UNC79: variants seen among roughly 807,000 people sequenced by gnomAD.
UNC79 encodes protein unc-79 homolog.
A neutral mutation model predicts 283.1 loss-of-function variants in UNC79; 37 were observed. The ratio of observed to expected loss-of-function variants is 0.13; its 90% CI spans 0.10 to 0.17. The LOEUF (loss-of-function observed/expected upper bound fraction) is 0.17, where lower values mean the gene tolerates loss of function less well. Among genes scored for constraint, UNC79 ranks in the 10% least tolerant of loss-of-function variants. The pLI, the probability that UNC79 is intolerant of heterozygous loss-of-function variation, is 1.00. For synonymous variants in UNC79, 1,107 were observed against 1,200.2 expected, an observed-to-expected ratio of 0.92 and a Z score of 1.61; for missense variants, 2,272 against 3,211.1, an observed-to-expected ratio of 0.71 and a Z score of 7.07.
At chr14:93,572,726 T>C (rs937944730) in exon 16 of UNC79, 8 of 1,614,038 alleles carry the variant, frequency 5.0e-6, no homozygotes, top group Admixed American at 1.7e-5. Context: ...GTCCTCTGCC[T>C]TTCTCAATGG....
At chr14:93,473,750 G>A (rs2057647937) in intron 2 of UNC79, among the ~76,000 whole-genome samples, 1 of 152,134 alleles carries the variant, frequency 6.6e-6, no homozygotes, top group South Asian at 2.1e-4. Context: ...AGACAAAGCC[G>A]TTGTTTTTTT....
intron 2 of UNC79, among the ~76,000 whole-genome samples, chr14:93,472,473 CA>C (rs35029536): frequency 1 from 151,530 of 151,866 alleles, 75,602 homozygotes; most frequent in Middle Eastern, 1. Flanking sequence ...CTTTAAATTA[CA>C]AAAAAAAATC....
intron 32 of UNC79, 134 bp downstream of exon 35, chr14:93,637,433 C>G (rs2068604609): frequency 6.9e-7 from 1 of 1,449,064 alleles, no homozygotes; most frequent in East Asian, 2.5e-5. Flanking sequence ...CCAAACACCC[C>G]CAGTGGCTGA....
intron 14 of UNC79, among the ~76,000 whole-genome samples, chr14:93,549,605 G>A (rs1487389928): frequency 6.6e-6 from 1 of 152,134 alleles, no homozygotes; most frequent in Non-Finnish European, 1.5e-5. Context: ...GAGATTAATT[G>A]AGCAAAGAAC....
chr14:93,349,990 A>G (rs142000333), intron 1 of UNC79, among the ~76,000 whole-genome samples: 2,128 of 152,354 alleles, frequency 0.014, 23 homozygotes, highest in Middle Eastern at 0.034. Flanking sequence ...TAAACTTTTT[A>G]TGTAATTTTA....
chr14:93,439,783 TG>T (rs1762597466), intron 1 of UNC79, among the ~76,000 whole-genome samples: 1 of 152,196 alleles, frequency 6.6e-6, no homozygotes, highest in Non-Finnish European at 1.5e-5. Flanking sequence ...GTATGACACT[TG>T]TTCTATTTAG....
At chr14:93,496,673 G>A (rs1337714213) in intron 6 of UNC79, among the ~76,000 whole-genome samples, 1 of 152,012 alleles carries the variant, frequency 6.6e-6, no homozygotes, top group Admixed American at 6.6e-5. Flanking sequence ...GTGTCTTGAC[G>A]GATAAAGTAA....
rs796411421 is a variant in UNC79 at position 93,499,179 on chromosome 14, G to A, written c.898+1893G>A. Among the ~76,000 whole-genome samples, 9 of 152,282 alleles carry A rather than the reference G, an allele frequency of 5.9e-5. 1 individual carries two copies. Among genetic ancestry groups the A allele is most frequent in the African/African-American group, 2.2e-4 (9 of 41,544 alleles). On this transcript the variant is annotated intron_variant, in intron 7 of 48. Transcript: ENST00000555664. ...ATAATAAAAACAATGAAAGTAGATA[G>A]TAAGTAAATTTTTTAAAATGGGAAT...
intron 1 of UNC79, among the ~76,000 whole-genome samples, chr14:93,420,358 G>A (rs1445499003): frequency 6.6e-6 from 1 of 151,614 alleles, no homozygotes; most frequent in Non-Finnish European, 1.5e-5. Context: ...AAAACTATAA[G>A]AGACAAAGAA....
chr14:93,344,203 T>TA (rs2053775681), intron 1 of UNC79, among the ~76,000 whole-genome samples: 1 of 152,230 alleles, frequency 6.6e-6, no homozygotes, highest in Non-Finnish European at 1.5e-5. Context: ...GCTTGCCTAT[T>TA]ATTGGGCTCT....
In UNC79 at chr14:93,493,895, A is replaced by ATT. The variant is rs1294529990; in HGVS notation, c.713-2515_713-2514insTT. 6.5e-3 allele frequency among the ~76,000 whole-genome samples: 230 copies of ATT among 35,516 alleles called. 1 individual carries two copies. The highest frequency in any genetic ancestry group is 9.8e-3 in the Non-Finnish European group (171 of 17,484). The allele number at this position is 35,516 out of a possible 152,430, so 23.3% of individuals were successfully genotyped here. ...GCCACATATATATATATATATATAT[A>ATT]TATATATTTTTTTTTTTTTTTTTTT... On this transcript the variant is annotated intron_variant, in intron 5 of 48. Coordinates refer to ENST00000555664, the Ensembl canonical transcript of UNC79.
chr14:93,532,303 C>CAAAAAAA (rs5810632), intron 10 of UNC79, among the ~76,000 whole-genome samples: 2 of 127,594 alleles, frequency 1.6e-5, no homozygotes, highest in Admixed American at 1.6e-4. Context: ...CCCATGTCTA[C>CAAAAAAA]AAAAAAAAAA....
At chr14:93,648,799 G>A (rs1566853733) in intron 35 of UNC79, among the ~76,000 whole-genome samples, 1 of 152,166 alleles carries the variant, frequency 6.6e-6, no homozygotes, top group African/African-American at 2.4e-5. Flanking sequence ...GTGTGTAGGA[G>A]GAACTATGAA....
chr14:93,340,889 C>T (rs1009655899), intron 1 of UNC79, among the ~76,000 whole-genome samples: 6 of 152,074 alleles, frequency 3.9e-5, no homozygotes, highest in African/African-American at 1.4e-4. Flanking sequence ...AACCTTTAGG[C>T]CCAAGTTAAA....
At chr14:93,683,120 A>C (rs1228709387) in intron 42 of UNC79, among the ~76,000 whole-genome samples, 1 of 152,018 alleles carries the variant, frequency 6.6e-6, no homozygotes, top group Non-Finnish European at 1.5e-5. Context: ...TGGGAATAGA[A>C]TGACTAAACT....
At chr14:93,698,476 G>T (rs1169150726) in intron 47 of UNC79, among the ~76,000 whole-genome samples, 16 of 79,104 alleles carry the variant, frequency 2.0e-4, no homozygotes, top group East Asian at 1.3e-3. Flanking sequence ...TTTAGTTTAG[G>T]TTTTTTTTTT....
Position 93,424,723 on chromosome 14 carries a change from G to C in UNC79, c.-350-42948G>C. On this transcript the variant is annotated intron_variant, in intron 1 of 49. Transcript: ENST00000256339. Reference sequence around the variant, plus strand: ...TTAACAGAGTCAGGGAAGAATAGTGGGGGTGGAGGGGCAATGGGGGAGGGT... The same window carrying C: ...TTAACAGAGTCAGGGAAGAATAGTGCGGGTGGAGGGGCAATGGGGGAGGGT... Among the ~76,000 whole-genome samples the C allele has an allele frequency of 1.3e-5, 2 of 151,904 alleles. 1 individual carries two copies. Among genetic ancestry groups the C allele is most frequent in the Middle Eastern group, 6.3e-3 (2 of 316 alleles).
At chr14:93,375,887 C>T (rs556384277) in intron 1 of UNC79, among the ~76,000 whole-genome samples, 1 of 152,182 alleles carries the variant, frequency 6.6e-6, no homozygotes, top group Non-Finnish European at 1.5e-5. Context: ...CAGATCAAAC[C>T]ATATCAATGA....
chr14:93,588,874 A>G (rs1256201604), intron 22 of UNC79, among the ~76,000 whole-genome samples: 1 of 152,128 alleles, frequency 6.6e-6, no homozygotes, highest in Non-Finnish European at 1.5e-5. Flanking sequence ...ATCAAGAACA[A>G]AAGGTAGGGT....
Sources: allele counts gnomAD v4.1 joint callset (sites outside exome capture counted in the v4.1 genomes callset), GRCh38; gene constraint gnomAD v4.1.1; transcripts MANE v1.5; gene names NCBI Gene and HGNC (gene_info 2026-07-23, HGNC 2026-07-21).